The following PTPRD variants were observed in gnomAD, a reference collection of about 807,000 sequenced individuals.
PTPRD encodes protein tyrosine phosphatase receptor type D, also known as receptor-type tyrosine-protein phosphatase delta.
Under a neutral mutation model 214.5 loss-of-function variants are expected in PTPRD, and 34 were observed. That is an observed-to-expected ratio of 0.16 (90% CI 0.12 to 0.21). The LOEUF is 0.21. Among genes scored for constraint, PTPRD ranks in the 10% least tolerant of loss-of-function variants. PTPRD has a pLI of 1.00. For missense variants in PTPRD, 2,545 were observed against 2,398.7 expected (o/e 1.06, Z -1.27); for synonymous variants, 1,128 against 845.7 (o/e 1.33, Z -5.79).
At chr9:9,322,200 C>A (rs1966849777) in intron 9 of PTPRD, among the ~76,000 whole-genome samples, 1 of 152,094 alleles carries the variant, frequency 6.6e-6, no homozygotes, top group African/African-American at 2.4e-5. Context: ...TTTAAACATT[C>A]CAAACCAGTA....
intron 14 of PTPRD, among the ~76,000 whole-genome samples, chr9:8,615,236 G>A (rs1462204013): frequency 2.1e-5 from 3 of 142,098 alleles, no homozygotes; most frequent in Non-Finnish European, 1.5e-5. Context: ...TAGCGTTAAT[G>A]GGAGCTGTGG....
At chr9:8,653,852 C>A (rs879469889) in intron 12 of PTPRD, among the ~76,000 whole-genome samples, 9 of 152,152 alleles carry the variant, frequency 5.9e-5, no homozygotes, top group South Asian at 2.1e-4. Flanking sequence ...TATTCAAGAC[C>A]AATTGCTTCA....
rs1400823740 is a variant in PTPRD, at chr9:9,845,182, T to C, written c.-367-78331A>G. On this transcript the variant is annotated intron_variant, in intron 5 of 45. Transcript: ENST00000381196. The stretch of plus-strand genomic sequence containing the variant: ...TATAGAGCAATATATATATATATAT[T>C]GCTCTATATATATAGCTATATATAT... Among the ~76,000 whole-genome samples, 6 of 50,098 alleles carry C rather than the reference T, an allele frequency of 1.2e-4. No individual in the cohort carries two copies. In the East Asian group the frequency reaches 1.8e-3, roughly 15 times the overall value. The allele number at this position is 50,098 out of a possible 152,430, so 32.9% of individuals were successfully genotyped here.
At chr9:9,164,153 C>G (rs2099896637) in intron 10 of PTPRD, among the ~76,000 whole-genome samples, 1 of 152,092 alleles carries the variant, frequency 6.6e-6, no homozygotes, top group Admixed American at 6.5e-5. Context: ...ACTTCTGGAG[C>G]TCAAAAGTCT....
intron 3 of PTPRD, among the ~76,000 whole-genome samples, chr9:10,234,742 G>C (rs2099623316): frequency 6.6e-6 from 1 of 151,794 alleles, no homozygotes; most frequent in Non-Finnish European, 1.5e-5. Flanking sequence ...ATCAAGATGA[G>C]GTTCGGTAGA....
At chr9:8,827,915 A>G (rs1566415024) in intron 11 of PTPRD, among the ~76,000 whole-genome samples, 1 of 152,214 alleles carries the variant, frequency 6.6e-6, no homozygotes, top group Non-Finnish European at 1.5e-5. Context: ...CTACATTTTT[A>G]TATTAATATA....
rs921635666 is a variant in PTPRD, at chr9:10,303,798, G to T, written c.-545+37165C>A. Reference sequence around the variant, plus strand: ...AGTCTACCAACCAAAAAATGTCCAGGACCAGATGGATTCACAGCCAAATTC... The same window carrying T: ...AGTCTACCAACCAAAAAATGTCCAGTACCAGATGGATTCACAGCCAAATTC... On this transcript the variant is annotated intron_variant, in intron 3 of 45. Transcript: ENST00000381196. Among the ~76,000 whole-genome samples, 4 of 152,074 alleles carry T rather than the reference G, an allele frequency of 2.6e-5. No homozygotes were observed. The East Asian group carries it at 7.7e-4, about 29-fold the overall frequency.
intron 5 of PTPRD, among the ~76,000 whole-genome samples, chr9:9,896,633 C>G (rs575652758): frequency 3.3e-5 from 5 of 151,822 alleles, no homozygotes; most frequent in African/African-American, 1.2e-4. Flanking sequence ...GAATTAGATC[C>G]GAGGAATTCA....
At position 8,903,803 on chromosome 9, in the gene PTPRD, A is replaced by G. The variant is rs543076790; in HGVS notation, c.-104+114894T>C. Among the ~76,000 whole-genome samples, 53 of 147,784 alleles carry G rather than the reference A, an allele frequency of 3.6e-4. No homozygotes were observed. In the South Asian group the frequency reaches 0.011, roughly 31 times the overall value. ...ATTTAAAAGACTACTCTGTAAAGCA[A>G]TATCCTACAAGTGAATTGCATAAAG... On this transcript the variant is annotated intron_variant, in intron 11 of 45. Coordinates refer to ENST00000381196, the MANE Select transcript of PTPRD (RefSeq NM_002839.4).
chr9:10,225,908 G>A lies in PTPRD; in HGVS notation c.-545+115055C>T, dbSNP rs183220038. ...GAGAGCAAACAAGTAAAGAAATGGG[G>A]CTTGAGAAGAATAACAACTTTATTG... On this transcript the variant is annotated intron_variant, in intron 3 of 45. Transcript: ENST00000381196. 5.3e-4 allele frequency among the ~76,000 whole-genome samples: 81 copies of A among 152,066 alleles called. 1 individual carries two copies. Among genetic ancestry groups the A allele is most frequent in the Admixed American group, 4.5e-3 (68 of 15,236 alleles).
At chr9:10,232,312 A>C (rs2099614300) in intron 3 of PTPRD, among the ~76,000 whole-genome samples, 1 of 151,984 alleles carries the variant, frequency 6.6e-6, no homozygotes, top group Non-Finnish European at 1.5e-5. Flanking sequence ...GAAATGATCC[A>C]CTAATCCAGA....
chr9:10,146,048 T>G (rs13299491), intron 3 of PTPRD, among the ~76,000 whole-genome samples: 11,895 of 151,810 alleles, frequency 0.078, 579 homozygotes, highest in Admixed American at 0.14. Flanking sequence ...TATGCAGATG[T>G]AATATTTTTA....
At chr9:8,590,963 G>T (rs918934626) in intron 14 of PTPRD, among the ~76,000 whole-genome samples, 2 of 152,122 alleles carry the variant, frequency 1.3e-5, no homozygotes, top group Non-Finnish European at 2.9e-5. Flanking sequence ...CTTTATGGAG[G>T]CTATAGGGGA....
intron 11 of PTPRD, among the ~76,000 whole-genome samples, chr9:8,997,518 A>C (rs1415753826): frequency 1.2e-4 from 18 of 152,072 alleles, no homozygotes; most frequent in Admixed American, 1.2e-3. Context: ...TTAACTGACA[A>C]ATGTGAGTGT....
chr9:8,784,620 G>A (rs1599692467), intron 11 of PTPRD, among the ~76,000 whole-genome samples: 1 of 146,718 alleles, frequency 6.8e-6, no homozygotes, highest in Non-Finnish European at 1.5e-5. Flanking sequence ...ACTTTTAAGA[G>A]TGTGCCTCTG....
chr9:9,393,732 T>G (rs1287362715), intron 9 of PTPRD, among the ~76,000 whole-genome samples: 1 of 152,176 alleles, frequency 6.6e-6, no homozygotes, highest in East Asian at 1.9e-4. Context: ...AATCCTCAGA[T>G]TCTTGAGCTC....
At chr9:8,481,095 G>C (rs1295480480) in intron 30 of PTPRD, among the ~76,000 whole-genome samples, 2 of 146,460 alleles carry the variant, frequency 1.4e-5, no homozygotes, top group Admixed American at 1.4e-4. Context: ...AGCAGAGATG[G>C]CGCCACTGCA....
At chr9:10,456,523 T>C (rs376511449) in intron 2 of PTPRD, among the ~76,000 whole-genome samples, 17 of 152,022 alleles carry the variant, frequency 1.1e-4, no homozygotes, top group African/African-American at 3.9e-4. Flanking sequence ...AATTTTTTTC[T>C]TGTTTGTTTG....
At chr9:10,522,987 T>C (rs1477453017) in intron 2 of PTPRD, among the ~76,000 whole-genome samples, 2 of 152,078 alleles carry the variant, frequency 1.3e-5, no homozygotes, top group African/African-American at 4.8e-5. Context: ...GTATATAATA[T>C]GAAGTACTAG....
Sources: allele counts gnomAD v4.1 joint callset (sites outside exome capture counted in the v4.1 genomes callset), GRCh38; gene constraint gnomAD v4.1.1; transcripts MANE v1.5; gene names NCBI Gene and HGNC (gene_info 2026-07-23, HGNC 2026-07-21).